Variants in MRRF observed in about 807,000 individuals in gnomAD.
MRRF encodes the protein ribosome-recycling factor, mitochondrial.
MRRF carries 18 observed loss-of-function variants against 25.1 expected under a neutral mutation model. The ratio of observed to expected loss-of-function variants is 0.72; its 90% CI spans 0.50 to 1.06. The LOEUF is 1.06. Among genes scored for constraint, MRRF ranks in the 50% least tolerant of loss-of-function variants. The pLI, the probability that MRRF is intolerant of heterozygous loss-of-function variation, is 0.00. For missense variants in MRRF, 323 were observed against 319.3 expected (o/e 1.01, Z -0.09); for synonymous variants, 113 against 112.1 (o/e 1.01, Z -0.05).
At chr9:122,281,158 A>G (rs970721783) in intron 3 of MRRF, among the ~76,000 whole-genome samples, 2 of 152,182 alleles carry the variant, frequency 1.3e-5, no homozygotes, top group Non-Finnish European at 2.9e-5. Flanking sequence ...TGGGTTAATA[A>G]CTTCCTGAAA....
intron 5 of MRRF, among the ~76,000 whole-genome samples, chr9:122,308,656 A>C (rs1835014103): frequency 7.2e-6 from 1 of 139,854 alleles, no homozygotes; most frequent in Non-Finnish European, 1.5e-5. Context: ...CCGAGATCAC[A>C]CCACTGCACT....
intron 5 of MRRF, among the ~76,000 whole-genome samples, chr9:122,296,908 CA>C (rs1184835615): frequency 6.6e-6 from 1 of 152,192 alleles, no homozygotes; most frequent in Non-Finnish European, 1.5e-5. Context: ...ACCCAGGAAA[CA>C]AAACTACAGA....
chr9:122,270,952 G>T lies in MRRF; in HGVS notation c.61G>T (p.Ala21Ser), dbSNP rs145127844. Residue 21 changes from alanine (A) to serine (S), a missense_variant, in exon 2 of 7, where the codon GCC becomes TCC. By Grantham distance (99) the Ala-to-Ser change is moderately conservative. Transcript: ENST00000344641. ...CCCTACCTTTCGCAATTATCTTGCAGCCTCTATCAGACCCGTTTCAGAAGT... is the reference window on the plus strand; with the variant it reads ...CCCTACCTTTCGCAATTATCTTGCATCCTCTATCAGACCCGTTTCAGAAGT... ...VHPTFRNYLA[A>S]SIRPVSEVTL... 512 of 1,614,174 alleles carry T rather than the reference G, an allele frequency of 3.2e-4. 6 individuals carry two copies. The Middle Eastern group carries it at 3.3e-3, about 10-fold the overall frequency.
rs992573243 is a variant in MRRF at position 122,288,011 on chromosome 9, G to A, written c.459+2724G>A. Among the ~76,000 whole-genome samples, 5 of 152,152 alleles carry A rather than the reference G, an allele frequency of 3.3e-5. No individual in the cohort carries two copies. The South Asian group carries it at 1.0e-3, about 32-fold the overall frequency. ...CAGTTGGCTTTCTTTCCAAACCTGA[G>A]CATTTCCGTGTCATGCTGTAGTGAC... On this transcript the variant is annotated intron_variant, in intron 4 of 6. Coordinates refer to ENST00000344641, the MANE Select transcript of MRRF (RefSeq NM_138777.5).
At chr9:122,307,559 C>T (rs144401603) in intron 5 of MRRF, among the ~76,000 whole-genome samples, 5 of 152,322 alleles carry the variant, frequency 3.3e-5, no homozygotes, top group Non-Finnish European at 7.3e-5. Flanking sequence ...ATAATTTACT[C>T]AGCTATCCTT....
At chr9:122,319,147 C>CTTTTTTTTTTTT (rs35949709) in intron 6 of MRRF, among the ~76,000 whole-genome samples, 15 of 121,004 alleles carry the variant, frequency 1.2e-4, no homozygotes, top group African/African-American at 1.5e-4. Context: ...TTCTTTCTTT[C>CTTTTTTTTTTTT]TTTTTTTTTT....
intron 5 of MRRF, among the ~76,000 whole-genome samples, chr9:122,307,993 T>C (rs1345214058): frequency 6.6e-6 from 1 of 152,178 alleles, no homozygotes; most frequent in Non-Finnish European, 1.5e-5. Context: ...GATTCTCTGT[T>C]GTGTGAGTTA....
chr9:122,273,568 A>C (rs1832596104), intron 2 of MRRF, among the ~76,000 whole-genome samples: 1 of 152,038 alleles, frequency 6.6e-6, no homozygotes, highest in African/African-American at 2.4e-5. Context: ...GTTATATATA[A>C]GGAAAAGTGT....
chr9:122,265,803 C>G (rs769804972), intron 1 of MRRF: 137 of 1,269,308 alleles, frequency 1.1e-4, no homozygotes, highest in Non-Finnish European at 1.4e-4. Flanking sequence ...GAATCCAGAT[C>G]TCTTAACTCT....
chr9:122,270,911 G>C lies in MRRF; in HGVS notation c.20G>C (p.Cys7Ser). The C allele has an allele frequency of 6.2e-7, 1 of 1,614,132 alleles. No individual in the cohort carries two copies. The highest frequency in any genetic ancestry group is 1.1e-5 in the South Asian group (1 of 91,076). MALGLK[C>S]FRMVHPTFRN... is the part of the protein sequence containing the mutation. Reference sequence around the variant, plus strand: ...TCAGTCATGGCCTTGGGATTAAAGTGCTTCCGCATGGTCCACCCTACCTTT... The same window carrying C: ...TCAGTCATGGCCTTGGGATTAAAGTCCTTCCGCATGGTCCACCCTACCTTT... Residue 7 changes from cysteine (C) to serine (S), a missense_variant, in exon 2 of 7, where the codon TGC becomes TCC. Coordinates refer to ENST00000344641, the MANE Select transcript of MRRF (RefSeq NM_138777.5).
At chr9:122,277,600 G>A (rs1832854190) in intron 2 of MRRF, among the ~76,000 whole-genome samples, 1 of 151,974 alleles carries the variant, frequency 6.6e-6, no homozygotes, top group African/African-American at 2.4e-5. Flanking sequence ...GTCCAGGCTG[G>A]AATGCAGTGG....
intron 5 of MRRF, 150 bp downstream of exon 5, chr9:122,291,990 G>T: frequency 1.4e-6 from 1 of 718,034 alleles, no homozygotes; most frequent in East Asian, 2.6e-5. Flanking sequence ...TCACTTTACT[G>T]ATTCAGAAAT....
intron 2 of MRRF, 74 bp from the exon 3 acceptor site, chr9:122,280,369 G>A: frequency 6.7e-7 from 1 of 1,484,906 alleles, no homozygotes; most frequent in Admixed American, 1.7e-5. Context: ...TACATAGTAG[G>A]TACTTCTTCA....
At chr9:122,285,509 G>A in intron 4 of MRRF, 2 of 524,464 alleles carry the variant, frequency 3.8e-6, no homozygotes, top group Admixed American at 3.0e-5. Context: ...ATACCCAAAC[G>A]GGTCCCATCT....
In MRRF at chr9:122,322,544, G is replaced by A. The variant is rs775796775; in HGVS notation, c.716G>A (p.Ser239Asn). The change falls in exon 7 of 7, where the codon AGC becomes AAC. Residue 239 changes from serine to asparagine, a missense_variant. By Grantham distance (46) the Ser-to-Asn change is conservative. Coordinates refer to ENST00000344641, the MANE Select transcript of MRRF (RefSeq NM_138777.5). ...DTIRLIEKQISQMADDTVAEL... is the reference protein window; with the variant it reads ...DTIRLIEKQINQMADDTVAEL... ...TCTCATTTTGTGTTCTTGCAGATCA[G>A]CCAAATGGCCGATGACACAGTGGCA... 1 of 1,614,080 alleles carries A rather than the reference G, an allele frequency of 6.2e-7. No individual in the cohort carries two copies. Among genetic ancestry groups the A allele is most frequent in the Non-Finnish European group, 8.5e-7 (1 of 1,179,992 alleles).
At chr9:122,306,280 C>T (rs1834840677) in intron 5 of MRRF, among the ~76,000 whole-genome samples, 1 of 152,228 alleles carries the variant, frequency 6.6e-6, no homozygotes, top group African/African-American at 2.4e-5. Context: ...CATCCCCCTG[C>T]ACTTGACAGT....
chr9:122,280,328 A>G lies in MRRF; in HGVS notation c.185-115A>G. ...TTTTTTAGTGGAGCGATAATGTTTT[A>G]TAATTTTCTAACACTTGACATTTTT... On this transcript the variant is annotated intron_variant, in intron 2 of 6. Coordinates refer to ENST00000344641, the MANE Select transcript of MRRF (RefSeq NM_138777.5). 7.0e-6 allele frequency: 8 copies of G among 1,136,030 alleles called. No homozygotes were observed. In the South Asian group the frequency reaches 1.1e-4, roughly 15 times the overall value. 70.4% of individuals were successfully genotyped at this position (1,136,030 alleles called of 1,614,324 possible).
At chr9:122,297,722 TG>T (rs1175158624) in intron 5 of MRRF, among the ~76,000 whole-genome samples, 1 of 152,192 alleles carries the variant, frequency 6.6e-6, no homozygotes, top group Non-Finnish European at 1.5e-5. Context: ...ATGCAGAATG[TG>T]GGGGATGCTG....
chr9:122,299,906 T>G (rs1834339013), intron 5 of MRRF, among the ~76,000 whole-genome samples: 1 of 152,212 alleles, frequency 6.6e-6, no homozygotes, highest in South Asian at 2.1e-4. Flanking sequence ...TAGACAGACC[T>G]GGCTTCAAAT....
Sources: allele counts gnomAD v4.1 joint callset (sites outside exome capture counted in the v4.1 genomes callset), GRCh38; gene constraint gnomAD v4.1.1; transcripts MANE v1.5; gene names NCBI Gene and HGNC (gene_info 2026-07-23, HGNC 2026-07-21).